The following CDH18 variants were observed in gnomAD, a reference collection of about 807,000 sequenced individuals.
CDH18 encodes the protein cadherin 18.
Under a neutral mutation model 67.9 loss-of-function variants are expected in CDH18, and 31 were observed. The observed-to-expected ratio is 0.46, with a 90% CI of 0.34 to 0.62. The LOEUF (loss-of-function observed/expected upper bound fraction) is 0.62. CDH18 is among the 20% of genes least tolerant of loss of function. CDH18 has a pLI of 0.01. For synonymous variants in CDH18, 362 were observed against 347.2 expected (o/e 1.04, Z -0.48); for missense variants, 890 against 975.5 (o/e 0.91, Z 1.17).
intron 1 of CDH18, among the ~76,000 whole-genome samples, chr5:20,277,905 A>G (rs1446318191): frequency 6.6e-6 from 1 of 152,176 alleles, no homozygotes; most frequent in East Asian, 1.9e-4. Context: ...TAGCAGCAGA[A>G]CTGATCATGC....
At chr5:19,965,020 C>G (rs560974300) in intron 2 of CDH18, among the ~76,000 whole-genome samples, 1 of 151,894 alleles carries the variant, frequency 6.6e-6, no homozygotes, top group African/African-American at 2.4e-5. Flanking sequence ...CAATATATAC[C>G]ATAAAATGGT....
rs796889478 is a variant in CDH18 at position 20,166,439 on chromosome 5, CAA to C, written c.-518+89003_-518+89004del. Among the ~76,000 whole-genome samples the C allele has an allele frequency of 1.4e-3, 105 of 74,738 alleles. 2 individuals carry two copies. Among genetic ancestry groups the C allele is most frequent in the South Asian group, 5.0e-3 (8 of 1,586 alleles). The allele number at this position is 74,738 out of a possible 152,430, so 49.0% of individuals were successfully genotyped here. A position where few individuals can be genotyped will look rare whatever the true frequency, so the allele number is the denominator to read the frequency against. ...TGGGCAACAGAGTGAGACTCTGTCT[CAA>C]AAAAAAAAAAAAAGAAAAGAAAAGA... is the stretch of plus-strand genomic sequence containing the variant. On this transcript the variant is annotated intron_variant, in intron 2 of 14. Transcript: ENST00000507958.
intron 2 of CDH18, among the ~76,000 whole-genome samples, chr5:20,006,189 G>T (rs1251791024): frequency 6.6e-6 from 1 of 151,788 alleles, no homozygotes; most frequent in East Asian, 1.9e-4. Flanking sequence ...AAATCAAAGA[G>T]AAATTTTTTT....
intron 3 of CDH18, among the ~76,000 whole-genome samples, chr5:19,748,946 T>A (rs1355814154): frequency 6.6e-6 from 1 of 152,062 alleles, no homozygotes; most frequent in Admixed American, 6.5e-5. Context: ...CTTATTTAGA[T>A]CTTTTATAAA....
At chr5:20,529,428 T>C (rs1408184389) in intron 1 of CDH18, among the ~76,000 whole-genome samples, 4 of 151,880 alleles carry the variant, frequency 2.6e-5, no homozygotes, top group African/African-American at 9.7e-5. Context: ...CTGGCAGAGA[T>C]ACAACAAAAA....
chr5:20,166,481 A>T (rs1372410659), intron 2 of CDH18, among the ~76,000 whole-genome samples: 1 of 151,474 alleles, frequency 6.6e-6, no homozygotes, highest in African/African-American at 2.4e-5. Flanking sequence ...AAAAAGACAA[A>T]AGAAAAGAAA....
At chr5:20,257,087 T>C (rs1363969611) in intron 1 of CDH18, among the ~76,000 whole-genome samples, 1 of 151,998 alleles carries the variant, frequency 6.6e-6, no homozygotes, top group Non-Finnish European at 1.5e-5. Context: ...GCTTCAGGGT[T>C]ACTAGAACAC....
chr5:20,116,735 CAA>C (rs1580278996), intron 2 of CDH18, among the ~76,000 whole-genome samples: 2 of 152,068 alleles, frequency 1.3e-5, no homozygotes, highest in East Asian at 3.9e-4. Context: ...ACATGACCAA[CAA>C]AAGAGGGCAA....
At chr5:19,527,960 T>A (rs1334792581) in intron 9 of CDH18, among the ~76,000 whole-genome samples, 3 of 151,782 alleles carry the variant, frequency 2.0e-5, no homozygotes, top group African/African-American at 7.2e-5. Flanking sequence ...GTGCCTTTGC[T>A]GTTAGGAATG....
chr5:20,567,803 A>G (rs57202385), intron 1 of CDH18, among the ~76,000 whole-genome samples: 23,267 of 152,138 alleles, frequency 0.15, 1,955 homozygotes, highest in African/African-American at 0.21. Context: ...CAACAGTTTA[A>G]TGACTGGGAC....
chr5:19,873,710 C>A (rs975724083), intron 2 of CDH18, among the ~76,000 whole-genome samples: 2 of 152,044 alleles, frequency 1.3e-5, no homozygotes, highest in East Asian at 3.9e-4. Flanking sequence ...TGCAGTGGCA[C>A]GATCTTGGCT....
intron 3 of CDH18, among the ~76,000 whole-genome samples, chr5:19,781,570 G>GT (rs1331564446): frequency 1.3e-5 from 2 of 151,950 alleles, no homozygotes; most frequent in African/African-American, 4.8e-5. Flanking sequence ...TCTTGTGGGG[G>GT]TTTTTTTATT....
intron 2 of CDH18, among the ~76,000 whole-genome samples, chr5:20,063,388 A>G (rs1345691888): frequency 6.6e-6 from 1 of 152,094 alleles, no homozygotes; most frequent in Non-Finnish European, 1.5e-5. Flanking sequence ...AAGAATTAAC[A>G]GTTTTGGGAA....
At chr5:19,511,469 G>A (rs1745104497) in intron 10 of CDH18, among the ~76,000 whole-genome samples, 1 of 152,104 alleles carries the variant, frequency 6.6e-6, no homozygotes, top group South Asian at 2.1e-4. Flanking sequence ...GGAAGGTTTG[G>A]AACTTTCTAG....
chr5:19,543,803 A>C, intron 9 of CDH18, 66 bp downstream of exon 9: 1 of 1,210,238 alleles, frequency 8.3e-7, no homozygotes. Flanking sequence ...CCCTGCTCTT[A>C]AGGAAATTTC....
At chr5:20,111,790 T>C (rs1747504523) in intron 2 of CDH18, among the ~76,000 whole-genome samples, 1 of 151,860 alleles carries the variant, frequency 6.6e-6, no homozygotes, top group Admixed American at 6.6e-5. Context: ...TGATCTGCCC[T>C]CCTCGGCCTC....
chr5:20,279,501 C>A (rs1165004526), intron 1 of CDH18, among the ~76,000 whole-genome samples: 2 of 151,562 alleles, frequency 1.3e-5, no homozygotes, highest in African/African-American at 4.8e-5. Context: ...GGGTTTGAGA[C>A]CAGCCTAGCC....
At chr5:19,507,822 G>A (rs148063729) in intron 10 of CDH18, among the ~76,000 whole-genome samples, 1,671 of 152,092 alleles carry the variant, frequency 0.011, 17 homozygotes, top group South Asian at 0.03. Context: ...GAGTTAATAG[G>A]TGCAGCCCAC....
chr5:19,619,138 C>T (rs1301952714), intron 5 of CDH18, among the ~76,000 whole-genome samples: 2 of 152,090 alleles, frequency 1.3e-5, no homozygotes, highest in Non-Finnish European at 2.9e-5. Context: ...AATAATCAGA[C>T]ATTTAACGGA....
Sources: gnomAD v4.1 joint callset for allele counts (sites outside exome capture counted in the v4.1 genomes callset) on GRCh38, gnomAD v4.1.1 for gene constraint, MANE v1.5 for transcripts, NCBI Gene and HGNC (gene_info 2026-07-23, HGNC 2026-07-21) for gene names.